Variants in CCDC144A observed in about 807,000 individuals in gnomAD.
CCDC144A encodes the protein coiled-coil domain containing 144A, also known as coiled-coil domain-containing protein 144A.
A neutral mutation model predicts 143.8 loss-of-function variants in CCDC144A; 41 were observed. That is an observed-to-expected ratio of 0.29 (90% CI 0.22 to 0.37). The LOEUF (loss-of-function observed/expected upper bound fraction) is 0.37, where lower values mean the gene tolerates loss of function less well. CCDC144A is among the 10% of genes least tolerant of loss of function. The pLI is 1.00. For missense variants in CCDC144A, 637 were observed against 1,488.8 expected (o/e 0.43, Z 9.41); for synonymous variants, 242 against 517.9 (o/e 0.47, Z 7.23).
chr17:16,765,938 CAA>C (rs1915576778), intron 15 of CCDC144A: 1 of 152,236 alleles, frequency 6.6e-6, no homozygotes, highest in African/African-American at 2.4e-5. Flanking sequence ...AAATTTGAGA[CAA>C]GTCTCAATTA....
chr17:16,762,128 G>A (rs2143374306), intron 13 of CCDC144A, among the ~76,000 whole-genome samples, 185 bp from the exon 14 acceptor site: 1 of 152,330 alleles, frequency 6.6e-6, no homozygotes, highest in East Asian at 1.9e-4. Context: ...AATTCAGTTG[G>A]TACTGGTGAT....
rs781111615 is a variant in CCDC144A, at chr17:16,709,367, T to C, written c.1310T>C (p.Met437Thr). The C allele has an allele frequency of 4.8e-4, 778 of 1,611,282 alleles. 12 individuals carry two copies. In the African/African-American group the frequency reaches 9.4e-3, roughly 19 times the overall value. The change falls in exon 5 of 17, where the codon ATG becomes ACG. Residue 437 changes from methionine to threonine, a missense_variant. Met to Thr is a moderately conservative substitution (Grantham distance 81). Coordinates refer to ENST00000399273, the MANE Select transcript of CCDC144A (RefSeq NM_001382000.1). ...TKKARNPEVV[M>T]VEMKEDQEFD... ...AAAGCAAGGAACCCAGAAGTGGTTA[T>C]GGTTGAAATGAAAGAAGACCAAGAG...
At chr17:16,732,798 T>A in intron 11 of CCDC144A, 132 bp downstream of exon 11, 1 of 652,332 alleles carries the variant, frequency 1.5e-6, no homozygotes, top group South Asian at 2.2e-5. Context: ...CACACACATT[T>A]GGGGGTGGTG....
the CCDC144A span, among the ~76,000 whole-genome samples, chr17:16,670,458 T>C: frequency 2.6e-3 from 388 of 151,176 alleles, 2 homozygotes; most frequent in African/African-American, 9.0e-3. Flanking sequence ...ATAATCCCTA[T>C]ATGTTGATTT....
chr17:16,675,813 G>T, the CCDC144A span, among the ~76,000 whole-genome samples: 6 of 151,942 alleles, frequency 3.9e-5, no homozygotes, highest in Non-Finnish European at 8.8e-5. Flanking sequence ...CCCCATCTCG[G>T]CTCACTGCAA....
chr17:16,670,178 C>T, the CCDC144A span, among the ~76,000 whole-genome samples: 1 of 151,540 alleles, frequency 6.6e-6, no homozygotes, highest in Non-Finnish European at 1.5e-5. Context: ...GAGATTCTGT[C>T]TCAAAAATAA....
At chr17:16,741,358 A>G (rs1432745390) in intron 12 of CCDC144A, among the ~76,000 whole-genome samples, 1 of 151,824 alleles carries the variant, frequency 6.6e-6, no homozygotes, top group Non-Finnish European at 1.5e-5. Flanking sequence ...GATGGTGGCT[A>G]TTGGTTGGAA....
chr17:16,693,078 G>C, intron 2 of CCDC144A, 29 bp downstream of exon 2: 1 of 1,564,524 alleles, frequency 6.4e-7, no homozygotes. Context: ...AATTATTTTT[G>C]GTGGTCCTAC....
intron 12 of CCDC144A, among the ~76,000 whole-genome samples, chr17:16,744,401 A>G (rs1244950894): frequency 6.6e-6 from 1 of 152,098 alleles, no homozygotes; most frequent in Non-Finnish European, 1.5e-5. Context: ...AATAGCCATT[A>G]TGTCTGGTGT....
intron 12 of CCDC144A, among the ~76,000 whole-genome samples, chr17:16,751,867 C>G (rs71373604): frequency 2.8e-4 from 42 of 152,238 alleles, no homozygotes; most frequent in Non-Finnish European, 4.1e-4. Context: ...GCACTTAGCT[C>G]GCACTCACCC....
intron 12 of CCDC144A, chr17:16,746,390 A>G: frequency 2.7e-6 from 4 of 1,461,510 alleles, no homozygotes; most frequent in East Asian, 2.3e-5. Flanking sequence ...CTGCTTTTCT[A>G]ATTTTCTATT....
At chr17:16,753,554 A>G (rs1914922380) in intron 12 of CCDC144A, among the ~76,000 whole-genome samples, 2 of 140,422 alleles carry the variant, frequency 1.4e-5, no homozygotes, top group Non-Finnish European at 3.0e-5. Context: ...ATGTCTTTTT[A>G]TGCTAGTTGA....
chr17:16,714,045 C>A (rs546321289), intron 6 of CCDC144A, among the ~76,000 whole-genome samples: 144 of 152,132 alleles, frequency 9.5e-4, no homozygotes, highest in African/African-American at 3.4e-3. Flanking sequence ...AATATTGGAC[C>A]CAATGGAAAA....
At chr17:16,727,780 A>T (rs1322979741) in intron 9 of CCDC144A, 40 bp downstream of exon 9, 1 of 1,592,674 alleles carries the variant, frequency 6.3e-7, no homozygotes, top group South Asian at 1.1e-5. Flanking sequence ...TATACTAAAG[A>T]CAATATATCA....
intron 12 of CCDC144A, among the ~76,000 whole-genome samples, chr17:16,741,624 T>G (rs1418913176): frequency 3.9e-5 from 6 of 152,186 alleles, no homozygotes; most frequent in Non-Finnish European, 7.3e-5. Flanking sequence ...TTGATGTATT[T>G]TTTTTTAGAC....
chr17:16,736,235 CTTTTTTTTT>C (rs71214289), intron 12 of CCDC144A, among the ~76,000 whole-genome samples: 5 of 98,198 alleles, frequency 5.1e-5, no homozygotes, highest in African/African-American at 3.8e-5. Context: ...AAGGCATTTA[CTTTTTTTTT>C]TTTTTTTTTT....
chr17:16,722,277 C>T (rs574210649), intron 8 of CCDC144A, among the ~76,000 whole-genome samples: 246 of 151,868 alleles, frequency 1.6e-3, no homozygotes, highest in Admixed American at 3.4e-3. Flanking sequence ...AGGGATAAAC[C>T]CCACTTGTTT....
the CCDC144A span, among the ~76,000 whole-genome samples, chr17:16,683,123 G>A: frequency 6.6e-6 from 1 of 151,420 alleles, no homozygotes; most frequent in Non-Finnish European, 1.5e-5. Context: ...TTAGACAGGA[G>A]GAATAAGTTT....
the CCDC144A span, among the ~76,000 whole-genome samples, chr17:16,678,366 C>A: frequency 6.6e-6 from 1 of 152,020 alleles, no homozygotes; most frequent in Non-Finnish European, 1.5e-5. Context: ...TAAACAAGAT[C>A]ATAATAGTAG....
Sources: gnomAD v4.1 joint callset for allele counts (sites outside exome capture counted in the v4.1 genomes callset) on GRCh38, gnomAD v4.1.1 for gene constraint, MANE v1.5 for transcripts, NCBI Gene and HGNC (gene_info 2026-07-23, HGNC 2026-07-21) for gene names.